The following ARL6IP6 variants were observed in gnomAD, a reference collection of about 807,000 sequenced individuals.
The protein encoded by ARL6IP6 is ARF like GTPase 6 interacting protein 6, also known as ADP-ribosylation factor-like protein 6-interacting protein 6.
ARL6IP6 carries 22 observed loss-of-function variants against 21.5 expected under a neutral mutation model. That is an observed-to-expected ratio of 1.02 (90% CI 0.73 to 1.46). The LOEUF is 1.46. ARL6IP6 is among the 40% of genes most tolerant of loss of function. ARL6IP6 has a pLI of 0.00. For synonymous variants in ARL6IP6, 164 were observed against 125.3 expected, an observed-to-expected ratio of 1.31 and a Z score of -2.06; for missense variants, 388 against 299.8, an observed-to-expected ratio of 1.29 and a Z score of -2.17.
In ARL6IP6 at chr2:152,761,759, G is replaced by C. The variant is rs1237553021; in HGVS notation, c.*1919G>C. On this transcript the variant is annotated 3_prime_UTR_variant, in exon 4 of 4. Coordinates refer to ENST00000326446, the MANE Select transcript of ARL6IP6 (RefSeq NM_152522.7). ...CAGGTTTATAGTCTAGGAGCAATAA[G>C]CTATACCATATAGCCTAGGTGTGTA... Among the ~76,000 whole-genome samples, 1 of 152,138 alleles carries C rather than the reference G, an allele frequency of 6.6e-6. No individual in the cohort carries two copies. Among genetic ancestry groups the C allele is most frequent in the Non-Finnish European group, 1.5e-5 (1 of 68,032 alleles).
intron 1 of ARL6IP6, chr2:152,720,014 ATG>A (rs1699697626): frequency 2.2e-6 from 1 of 453,408 alleles, no homozygotes; most frequent in Non-Finnish European, 4.6e-6. Context: ...GGTAAACTGA[ATG>A]TGCATAAAAT....
chr2:152,749,369 ATTTC>A (rs755185221), intron 3 of ARL6IP6, among the ~76,000 whole-genome samples: 140 of 151,762 alleles, frequency 9.2e-4, no homozygotes, highest in Non-Finnish European at 1.6e-3. Context: ...TAATTCTCCC[ATTTC>A]TTTCTTCCAT....
At chr2:152,735,721 A>T (rs1395803074) in intron 3 of ARL6IP6, among the ~76,000 whole-genome samples, 3 of 152,200 alleles carry the variant, frequency 2.0e-5, no homozygotes, top group Admixed American at 6.5e-5. Flanking sequence ...TTTTAAATAT[A>T]AATTCCGAAA....
chr2:152,738,632 C>T (rs776876184), intron 3 of ARL6IP6, among the ~76,000 whole-genome samples: 2 of 152,126 alleles, frequency 1.3e-5, no homozygotes, highest in Non-Finnish European at 2.9e-5. Flanking sequence ...GTACATTGAC[C>T]CCTTTTAGCC....
At chr2:152,743,064 A>G (rs1026279359) in intron 3 of ARL6IP6, among the ~76,000 whole-genome samples, 43 of 152,052 alleles carry the variant, frequency 2.8e-4, no homozygotes, top group Non-Finnish European at 5.7e-4. Flanking sequence ...AGCTTTTGCT[A>G]TGTGGCAGTT....
At chr2:152,737,532 G>A (rs916019996) in intron 3 of ARL6IP6, among the ~76,000 whole-genome samples, 1 of 152,124 alleles carries the variant, frequency 6.6e-6, no homozygotes, top group Non-Finnish European at 1.5e-5. Flanking sequence ...AATTTATAAA[G>A]GAAAGAGTTT....
intron 2 of ARL6IP6, among the ~76,000 whole-genome samples, chr2:152,725,902 C>T (rs1394499641): frequency 2.0e-5 from 3 of 152,048 alleles, no homozygotes; most frequent in African/African-American, 7.2e-5. Context: ...TTTTTGCTCT[C>T]TAAATTATTC....
At chr2:152,729,738 T>A (rs1700213696) in intron 2 of ARL6IP6, among the ~76,000 whole-genome samples, 1 of 152,218 alleles carries the variant, frequency 6.6e-6, no homozygotes, top group Admixed American at 6.5e-5. Flanking sequence ...TAGCTTTATA[T>A]ATGTACCTGT....
intron 2 of ARL6IP6, among the ~76,000 whole-genome samples, chr2:152,729,606 G>A (rs549695441): frequency 2.0e-5 from 3 of 152,168 alleles, no homozygotes; most frequent in Admixed American, 6.5e-5. Context: ...CTGTGGCTGT[G>A]GGTGCTGATA....
chr2:152,721,436 T>C (rs964551035), intron 2 of ARL6IP6, among the ~76,000 whole-genome samples: 1 of 152,104 alleles, frequency 6.6e-6, no homozygotes, highest in Non-Finnish European at 1.5e-5. Context: ...GTCTGTAGAA[T>C]GCTGTAGTTC....
chr2:152,744,133 A>T (rs1359577361), intron 3 of ARL6IP6, among the ~76,000 whole-genome samples: 1 of 152,140 alleles, frequency 6.6e-6, no homozygotes, highest in Non-Finnish European at 1.5e-5. Context: ...TATGCTAAAA[A>T]TATTTTTGAA....
chr2:152,761,251 G>GTGTC lies in ARL6IP6; in HGVS notation c.*1414_*1415insCTGT, dbSNP rs1464596628. On this transcript the variant is annotated 3_prime_UTR_variant, in exon 4 of 4. Coordinates refer to ENST00000326446, the MANE Select transcript of ARL6IP6 (RefSeq NM_152522.7). The stretch of plus-strand genomic sequence containing the variant: ...TGCTCCAATTTAAATTATCTGAAAT[G>GTGTC]TGTGTGTGTGTGTGTGTATCTAAAT... 6.7e-6 allele frequency: 1 copy of GTGTC among 150,256 alleles called. No individual in the cohort carries two copies. Among genetic ancestry groups the GTGTC allele is most frequent in the Non-Finnish European group, 1.5e-5 (1 of 67,364 alleles). The allele number at this position is 150,256 out of a possible 1,614,324, so 9.3% of individuals were successfully genotyped here. A position where few individuals can be genotyped will look rare whatever the true frequency, so the allele number is the denominator to read the frequency against.
chr2:152,736,865 A>C (rs1574039980), intron 3 of ARL6IP6, among the ~76,000 whole-genome samples: 1 of 152,222 alleles, frequency 6.6e-6, no homozygotes, highest in Non-Finnish European at 1.5e-5. Context: ...GGATGTGCAT[A>C]CGTTATAGGC....
intron 3 of ARL6IP6, among the ~76,000 whole-genome samples, chr2:152,747,864 C>A (rs916633643): frequency 6.6e-6 from 1 of 152,094 alleles, no homozygotes; most frequent in African/African-American, 2.4e-5. Flanking sequence ...AGCCACCATG[C>A]CTGGCCAAAA....
intron 2 of ARL6IP6, among the ~76,000 whole-genome samples, chr2:152,730,428 T>C (rs1700252828): frequency 6.6e-6 from 1 of 152,248 alleles, no homozygotes; most frequent in Non-Finnish European, 1.5e-5. Context: ...TGAGTAAACT[T>C]GTCAATTATT....
chr2:152,729,257 C>T (rs1332902346), intron 2 of ARL6IP6, among the ~76,000 whole-genome samples: 1 of 151,648 alleles, frequency 6.6e-6, no homozygotes, highest in Non-Finnish European at 1.5e-5. Flanking sequence ...GTAATCCCAG[C>T]TACTTGGGAG....
intron 2 of ARL6IP6, among the ~76,000 whole-genome samples, chr2:152,726,345 C>G (rs1328064553): frequency 8.2e-6 from 1 of 122,630 alleles, no homozygotes; most frequent in Non-Finnish European, 1.7e-5. Flanking sequence ...ACCAGTGTAA[C>G]TGCTATAGCT....
intron 1 of ARL6IP6, 179 bp from the exon 2 acceptor site, chr2:152,720,354 G>T: frequency 1.6e-6 from 1 of 640,580 alleles, no homozygotes; most frequent in Non-Finnish European, 2.8e-6. Context: ...TCCCTTAGTG[G>T]TCAACACATT....
chr2:152,730,870 T>C (rs1336464071), intron 2 of ARL6IP6, among the ~76,000 whole-genome samples: 1 of 152,218 alleles, frequency 6.6e-6, no homozygotes, highest in Non-Finnish European at 1.5e-5. Context: ...TGGTTTTGCA[T>C]GGGCTTTTCT....
Sources: allele counts gnomAD v4.1 joint callset (sites outside exome capture counted in the v4.1 genomes callset), GRCh38; gene constraint gnomAD v4.1.1; transcripts MANE v1.5; gene names NCBI Gene and HGNC (gene_info 2026-07-23, HGNC 2026-07-21).